Variants in PCCB observed in about 807,000 individuals in gnomAD.
PCCB encodes propionyl-CoA carboxylase beta chain, mitochondrial.
PCCB carries 43 observed loss-of-function variants against 60.7 expected under a neutral mutation model. The ratio of observed to expected loss-of-function variants is 0.71; its 90% CI spans 0.55 to 0.91. PCCB has a LOEUF of 0.91. PCCB is among the 40% of genes least tolerant of loss of function. The pLI is 0.00. For missense variants in PCCB, 766 were observed against 702.8 expected (o/e 1.09, Z -1.02); for synonymous variants, 276 against 255.9 (o/e 1.08, Z -0.75).
At chr3:136,265,857 G>A (rs1941968564) in intron 5 of PCCB, among the ~76,000 whole-genome samples, 1 of 147,174 alleles carries the variant, frequency 6.8e-6, no homozygotes, top group Non-Finnish European at 1.5e-5. Context: ...ACAGAGTCTT[G>A]CCCTGTCGCC....
intron 9 of PCCB, among the ~76,000 whole-genome samples, chr3:136,313,919 G>A (rs568857555): frequency 6.6e-6 from 1 of 152,242 alleles, no homozygotes; most frequent in African/African-American, 2.4e-5. Context: ...TGTGAATATG[G>A]CAAGAGAAAA....
chr3:136,318,911 C>G (rs775855303), intron 10 of PCCB, among the ~76,000 whole-genome samples: 12 of 152,144 alleles, frequency 7.9e-5, no homozygotes, highest in Non-Finnish European at 1.6e-4. Context: ...TCAGTTTTCA[C>G]TTTTTCTGGG....
intron 5 of PCCB, 55 bp from the exon 6 acceptor site, chr3:136,283,782 G>A (rs1942540652): frequency 8.2e-7 from 1 of 1,216,256 alleles, no homozygotes; most frequent in Non-Finnish European, 1.2e-6. Context: ...TCTTTCCACA[G>A]ATAATGCCTC....
intron 10 of PCCB, among the ~76,000 whole-genome samples, chr3:136,320,417 A>ATT (rs776272560): frequency 3.9e-5 from 6 of 152,186 alleles, no homozygotes; most frequent in Non-Finnish European, 8.8e-5. Context: ...CTCTTTGGTT[A>ATT]AATTTATTCC....
intron 10 of PCCB, among the ~76,000 whole-genome samples, chr3:136,323,857 AAGTT>A (rs1294389739): frequency 2.0e-5 from 3 of 150,974 alleles, no homozygotes; most frequent in Admixed American, 6.6e-5. Context: ...TTTTTCTAGT[AAGTT>A]CAGTGTCTAT....
chr3:136,291,113 T>C (rs1444817739), intron 6 of PCCB, among the ~76,000 whole-genome samples: 1 of 152,098 alleles, frequency 6.6e-6, no homozygotes, highest in Non-Finnish European at 1.5e-5. Flanking sequence ...CTGTCTACTC[T>C]ATCCATGAGA....
chr3:136,271,980 C>G (rs574475350), intron 5 of PCCB, among the ~76,000 whole-genome samples: 1 of 152,086 alleles, frequency 6.6e-6, no homozygotes, highest in Non-Finnish European at 1.5e-5. Flanking sequence ...CCATTCATTA[C>G]GATGTTGGCT....
At chr3:136,264,061 T>C (rs1941901640) in intron 5 of PCCB, among the ~76,000 whole-genome samples, 1 of 152,122 alleles carries the variant, frequency 6.6e-6, no homozygotes, top group South Asian at 2.1e-4. Context: ...AAGAATAGTA[T>C]GGGAACTCCT....
chr3:136,306,159 A>G (rs1415448731), intron 9 of PCCB, among the ~76,000 whole-genome samples: 1 of 123,102 alleles, frequency 8.1e-6, no homozygotes, highest in Non-Finnish European at 1.8e-5. Context: ...TAAAGCTACA[A>G]TAAGAAAACA....
At chr3:136,313,099 G>C (rs939780475) in intron 9 of PCCB, among the ~76,000 whole-genome samples, 1 of 152,152 alleles carries the variant, frequency 6.6e-6, no homozygotes, top group African/African-American at 2.4e-5. Flanking sequence ...ACTTTCCATT[G>C]GAAAGTCAGT....
intron 6 of PCCB, among the ~76,000 whole-genome samples, chr3:136,292,643 T>A (rs962584116): frequency 6.6e-6 from 1 of 152,204 alleles, no homozygotes; most frequent in Non-Finnish European, 1.5e-5. Context: ...TATTGAACTC[T>A]ATGTGTATTG....
intron 5 of PCCB, among the ~76,000 whole-genome samples, chr3:136,266,483 A>T (rs1941986657): frequency 6.6e-6 from 1 of 151,992 alleles, no homozygotes; most frequent in African/African-American, 2.4e-5. Context: ...GTACAGTGGC[A>T]TGATCACAGC....
At position 136,327,113 on chromosome 3, in the gene PCCB, G is replaced by T. The variant is rs374155049; in HGVS notation, c.1199-42G>T. 2.5e-4 allele frequency: 387 copies of T among 1,556,576 alleles called. 1 individual carries two copies. Among genetic ancestry groups the T allele is most frequent in the Admixed American group, 3.7e-4 (22 of 59,784 alleles). ...CAGCTGAGAGTGGCAGGATAACCAT[G>T]TGAGGACTTGTGGGTATCTAGTAAC... is the stretch of plus-strand genomic sequence containing the variant. On this transcript the variant is annotated intron_variant, in intron 11 of 14. Transcript: ENST00000251654.
At chr3:136,282,981 G>C (rs1942520102) in intron 5 of PCCB, among the ~76,000 whole-genome samples, 1 of 152,168 alleles carries the variant, frequency 6.6e-6, no homozygotes, top group Admixed American at 6.5e-5. Context: ...TTTGGGGAGA[G>C]AATTTTCTGA....
chr3:136,290,535 GT>G (rs950199836), intron 6 of PCCB, among the ~76,000 whole-genome samples: 1 of 151,170 alleles, frequency 6.6e-6, no homozygotes, highest in South Asian at 2.1e-4. Flanking sequence ...TTTGTCTTTT[GT>G]TTTTTTAGAG....
intron 5 of PCCB, among the ~76,000 whole-genome samples, chr3:136,273,426 C>T (rs552591026): frequency 6.6e-6 from 1 of 152,116 alleles, no homozygotes; most frequent in East Asian, 1.9e-4. Context: ...TCGAGGTCCC[C>T]CATTTCACTT....
intron 1 of PCCB, among the ~76,000 whole-genome samples, chr3:136,253,913 G>C (rs1941594912): frequency 6.6e-6 from 1 of 151,946 alleles, no homozygotes; most frequent in Non-Finnish European, 1.5e-5. Context: ...CTTCCAAAGT[G>C]CTGGGATTAC....
chr3:136,259,664 T>G (rs1941768512), intron 3 of PCCB, among the ~76,000 whole-genome samples: 1 of 152,230 alleles, frequency 6.6e-6, no homozygotes, highest in Admixed American at 6.5e-5. Context: ...ATTCATGAAC[T>G]TCCTTTAAGA....
intron 9 of PCCB, among the ~76,000 whole-genome samples, chr3:136,312,160 C>T (rs564054761): frequency 1.8e-4 from 28 of 152,304 alleles, no homozygotes; most frequent in Admixed American, 7.8e-4. Context: ...TCACGCGTTG[C>T]GTAACAACAG....
Sources: allele counts gnomAD v4.1 joint callset (sites outside exome capture counted in the v4.1 genomes callset), GRCh38; gene constraint gnomAD v4.1.1; transcripts MANE v1.5; gene names NCBI Gene and HGNC (gene_info 2026-07-23, HGNC 2026-07-21).